PRKD1: variants seen among roughly 807,000 people sequenced by gnomAD.
PRKD1 encodes protein kinase D1.
PRKD1 carries 63 observed loss-of-function variants against 95.9 expected under a neutral mutation model. The observed-to-expected ratio is 0.66, with a 90% CI of 0.54 to 0.81. The LOEUF (loss-of-function observed/expected upper bound fraction) is 0.81. Among genes scored for constraint, PRKD1 ranks in the 30% least tolerant of loss-of-function variants. The pLI, the probability that PRKD1 is intolerant of heterozygous loss-of-function variation, is 0.00. For synonymous variants in PRKD1, 425 were observed against 423.1 expected, an observed-to-expected ratio of 1.00 and a Z score of -0.05; for missense variants, 1,048 against 1,165.3, an observed-to-expected ratio of 0.90 and a Z score of 1.47.
At chr14:29,610,799 C>T (rs1263304475) in intron 13 of PRKD1, among the ~76,000 whole-genome samples, 1 of 152,096 alleles carries the variant, frequency 6.6e-6, no homozygotes, top group African/African-American at 2.4e-5. Flanking sequence ...TGTGGTACAT[C>T]CAGGGAATAT....
intron 1 of PRKD1, among the ~76,000 whole-genome samples, chr14:29,729,150 TGAGTC>T (rs1287050091): frequency 6.6e-6 from 1 of 152,132 alleles, no homozygotes; most frequent in African/African-American, 2.4e-5. Flanking sequence ...ATTTTACATT[TGAGTC>T]TATGATCTAC....
intron 1 of PRKD1, among the ~76,000 whole-genome samples, chr14:29,895,387 G>A (rs931200822): frequency 2.0e-5 from 3 of 151,940 alleles, no homozygotes; most frequent in African/African-American, 7.3e-5. Flanking sequence ...CACCCTGACT[G>A]CTCACTTTCA....
chr14:29,720,166 T>C (rs148780362), intron 2 of PRKD1, among the ~76,000 whole-genome samples: 4 of 152,306 alleles, frequency 2.6e-5, no homozygotes, highest in African/African-American at 7.2e-5. Context: ...TTGCTATGTA[T>C]AGAAACTGTC....
In PRKD1 at chr14:29,624,179, C is replaced by G; in HGVS notation, c.1878G>C (p.Gln626His). 6.2e-7 allele frequency: 1 copy of G among 1,605,108 alleles called. No individual in the cohort carries two copies. Residue 626 changes from glutamine to histidine, a missense_variant, in exon 13 of 18, where the codon CAG (glutamine) becomes CAC (histidine). Gln to His is a conservative substitution (Grantham distance 24, BLOSUM62 0). Coordinates refer to ENST00000331968, the MANE Select transcript of PRKD1 (RefSeq NM_002742.3). ...KLRFPTKQES[Q>H]LRNEVAILQN... ...GTAGAATTGCAACCTCATTACGAAGCTGGCTTTCTTGTTTTGTTGGAAATC... is the reference window on the plus strand; with the variant it reads ...GTAGAATTGCAACCTCATTACGAAGGTGGCTTTCTTGTTTTGTTGGAAATC...
intron 1 of PRKD1, among the ~76,000 whole-genome samples, chr14:29,884,159 C>G (rs979811647): frequency 1.3e-5 from 2 of 152,114 alleles, no homozygotes; most frequent in African/African-American, 4.8e-5. Flanking sequence ...ATGAAAATAT[C>G]AAGAGTCATT....
chr14:29,762,967 C>T (rs1888069112), intron 1 of PRKD1, among the ~76,000 whole-genome samples: 1 of 151,850 alleles, frequency 6.6e-6, no homozygotes, highest in African/African-American at 2.4e-5. Flanking sequence ...TGATCTTGAA[C>T]TCGTGGCCTC....
intron 12 of PRKD1, 98 bp from the exon 13 acceptor site, chr14:29,624,356 T>C (rs1002590196): frequency 1.0e-5 from 7 of 692,924 alleles, no homozygotes; most frequent in Non-Finnish European, 1.6e-5. Flanking sequence ...ATGATAAACA[T>C]ATTTCACTGA....
intron 9 of PRKD1, among the ~76,000 whole-genome samples, chr14:29,631,796 T>TTTTATTTG (rs142125813): frequency 5.2e-4 from 74 of 141,008 alleles, no homozygotes; most frequent in African/African-American, 1.7e-3. Context: ...GCGCCTGGCC[T>TTTTATTTG]TTTATTTATT....
At chr14:29,916,169 C>T (rs1483001630) in intron 1 of PRKD1, among the ~76,000 whole-genome samples, 1 of 152,130 alleles carries the variant, frequency 6.6e-6, no homozygotes, top group East Asian at 1.9e-4. Context: ...ACCCAAGGCT[C>T]CTGGGATAAG....
chr14:29,612,534 A>T (rs1878540576), intron 13 of PRKD1, among the ~76,000 whole-genome samples: 1 of 152,206 alleles, frequency 6.6e-6, no homozygotes, highest in African/African-American at 2.4e-5. Context: ...CAGTTAAGGA[A>T]ACCAGGGTGG....
intron 13 of PRKD1, among the ~76,000 whole-genome samples, chr14:29,602,229 G>T (rs1188804268): frequency 1.3e-5 from 2 of 152,046 alleles, no homozygotes; most frequent in Non-Finnish European, 2.9e-5. Flanking sequence ...CAAGAGATAA[G>T]CGTTAAGGGA....
chr14:29,734,904 G>A (rs896653167), intron 1 of PRKD1, among the ~76,000 whole-genome samples: 1 of 152,074 alleles, frequency 6.6e-6, no homozygotes, highest in African/African-American at 2.4e-5. Flanking sequence ...CTCTGCTTGG[G>A]TTCTCCCTTT....
intron 1 of PRKD1, among the ~76,000 whole-genome samples, chr14:29,861,596 A>G (rs550084896): frequency 9.2e-5 from 14 of 152,258 alleles, no homozygotes; most frequent in African/African-American, 3.1e-4. Flanking sequence ...TATAATTATT[A>G]TTGACTATAG....
chr14:29,655,033 A>C (rs562475112), intron 4 of PRKD1, among the ~76,000 whole-genome samples: 2 of 152,230 alleles, frequency 1.3e-5, no homozygotes, highest in Non-Finnish European at 2.9e-5. Flanking sequence ...TACAACTTGC[A>C]CAGAAAATCA....
At chr14:29,702,459 A>G (rs1340321496) in intron 2 of PRKD1, among the ~76,000 whole-genome samples, 1 of 152,074 alleles carries the variant, frequency 6.6e-6, no homozygotes, top group Non-Finnish European at 1.5e-5. Flanking sequence ...TACTTGATAC[A>G]GGTTAAGAAA....
chr14:29,843,666 C>A (rs1050303387), intron 1 of PRKD1, among the ~76,000 whole-genome samples: 1 of 152,190 alleles, frequency 6.6e-6, no homozygotes, highest in African/African-American at 2.4e-5. Context: ...AGGTACTATT[C>A]TATGAACTTG....
At chr14:29,690,958 A>C (rs910385850) in intron 2 of PRKD1, among the ~76,000 whole-genome samples, 21 of 152,114 alleles carry the variant, frequency 1.4e-4, no homozygotes, top group African/African-American at 5.1e-4. Flanking sequence ...TACCGTGGTA[A>C]TGTATGATAA....
intron 1 of PRKD1, among the ~76,000 whole-genome samples, chr14:29,922,250 G>A (rs562165969): frequency 1.4e-4 from 20 of 148,000 alleles, no homozygotes; most frequent in Non-Finnish European, 1.9e-4. Flanking sequence ...GCAGTGAGCC[G>A]AGATTGCACC....
chr14:29,829,900 C>T (rs1490062370), intron 1 of PRKD1, among the ~76,000 whole-genome samples: 1 of 152,130 alleles, frequency 6.6e-6, no homozygotes, highest in Non-Finnish European at 1.5e-5. Context: ...CACTTATTTC[C>T]TCTACGCTGA....
Sources: allele counts gnomAD v4.1 joint callset (sites outside exome capture counted in the v4.1 genomes callset), GRCh38; gene constraint gnomAD v4.1.1; transcripts MANE v1.5; gene names NCBI Gene and HGNC (gene_info 2026-07-23, HGNC 2026-07-21).